MAPDA: variants seen among roughly 807,000 people sequenced by gnomAD.
The protein encoded by MAPDA is N6-Methyl-AMP deaminase, also known as N6,N6-dimethyl-AMP deaminase.
At chr15:43,330,658 G>A in the MAPDA span, 10 of 725,774 alleles carry the variant, frequency 1.4e-5, no homozygotes, top group African/African-American at 1.7e-4. Context: ...TCGCCAACCA[G>A]AATTGAGGAG....
At chr15:43,337,978 C>T in the MAPDA span, among the ~76,000 whole-genome samples, 2 of 152,194 alleles carry the variant, frequency 1.3e-5, no homozygotes, top group African/African-American at 4.8e-5. Context: ...ATTCTCTAAG[C>T]AGCGTCTCAA....
At chr15:43,351,333 C>CAAAAA in the MAPDA span, 1 of 225,098 alleles carries the variant, frequency 4.4e-6, no homozygotes. Context: ...TCTCACAAAG[C>CAAAAA]AAAAAAAAAA....
chr15:43,343,189 A>G, the MAPDA span: 1 of 669,072 alleles, frequency 1.5e-6, no homozygotes, highest in Non-Finnish European at 2.3e-6. Context: ...TGATTTATAC[A>G]ATAGAAAAAT....
the MAPDA span, chr15:43,354,177 G>A: frequency 6.6e-6 from 1 of 152,182 alleles, no homozygotes; most frequent in Non-Finnish European, 1.5e-5. Context: ...CACACATTTG[G>A]TCAGAGAAGT....
the MAPDA span, among the ~76,000 whole-genome samples, chr15:43,348,709 T>C: frequency 5.3e-5 from 8 of 152,284 alleles, no homozygotes; most frequent in Admixed American, 5.2e-4. Flanking sequence ...ATTATTATCA[T>C]TGAAATGAAT....
the MAPDA span, among the ~76,000 whole-genome samples, chr15:43,346,213 G>C: frequency 6.6e-6 from 1 of 152,100 alleles, no homozygotes; most frequent in African/African-American, 2.4e-5. Flanking sequence ...CTGACTATAT[G>C]ACTATTTTCT....
the MAPDA span, chr15:43,351,025 A>G: frequency 1.3e-6 from 2 of 1,551,564 alleles, no homozygotes; most frequent in South Asian, 2.4e-5. Context: ...AGCATTGCCC[A>G]TCCTTCTGTG....
the MAPDA span, among the ~76,000 whole-genome samples, chr15:43,338,374 G>GA: frequency 1.3e-5 from 2 of 152,160 alleles, no homozygotes; most frequent in Admixed American, 6.5e-5. Flanking sequence ...GAGTGTGGCT[G>GA]AAAAAATGAT....
At chr15:43,333,745 G>T in the MAPDA span, among the ~76,000 whole-genome samples, 1 of 152,186 alleles carries the variant, frequency 6.6e-6, no homozygotes, top group South Asian at 2.1e-4. Context: ...AAGGATTAAA[G>T]ATAACATTAT....
At chr15:43,335,627 A>T in the MAPDA span, 1 of 1,488,668 alleles carries the variant, frequency 6.7e-7, no homozygotes, top group African/African-American at 1.4e-5. Context: ...AACTACCAAC[A>T]TTAAGTACTT....
At chr15:43,333,938 T>C in the MAPDA span, among the ~76,000 whole-genome samples, 1 of 152,248 alleles carries the variant, frequency 6.6e-6, no homozygotes, top group Non-Finnish European at 1.5e-5. Flanking sequence ...GAAATTATGA[T>C]TGATTTATCA....
At chr15:43,345,757 A>C in the MAPDA span, 1 of 1,439,694 alleles carries the variant, frequency 6.9e-7, no homozygotes, top group Non-Finnish European at 9.7e-7. Context: ...AGTGAGATGT[A>C]TTACACGTAG....
the MAPDA span, chr15:43,330,392 A>G: frequency 8.8e-6 from 14 of 1,585,200 alleles, no homozygotes; most frequent in Non-Finnish European, 1.2e-5. Flanking sequence ...GGGGTCCTGC[A>G]CGTACCCGCG....
At chr15:43,330,621 G>C in the MAPDA span, 16 of 1,080,444 alleles carry the variant, frequency 1.5e-5, no homozygotes, top group Non-Finnish European at 2.0e-5. Context: ...GCCGGCACTT[G>C]TGCGTCACTT....
the MAPDA span, chr15:43,350,878 T>C: frequency 7.4e-7 from 1 of 1,349,090 alleles, no homozygotes; most frequent in Non-Finnish European, 1.0e-6. Context: ...GTCTACTTGG[T>C]GAACACTGAA....
At chr15:43,352,076 T>C in the MAPDA span, 1 of 850,748 alleles carries the variant, frequency 1.2e-6, no homozygotes, top group Non-Finnish European at 1.8e-6. Context: ...ACCAGCACCT[T>C]ACACATGGCA....
chr15:43,346,087 A>T, the MAPDA span: 1 of 1,450,740 alleles, frequency 6.9e-7, no homozygotes, highest in Non-Finnish European at 9.4e-7. Flanking sequence ...TCCAACAGAC[A>T]CTCCATTCTG....
the MAPDA span, among the ~76,000 whole-genome samples, chr15:43,334,390 G>A: frequency 6.6e-6 from 1 of 151,652 alleles, no homozygotes; most frequent in Non-Finnish European, 1.5e-5. Context: ...CACTTTGGGA[G>A]GCTGAGGCGG....
chr15:43,342,610 C>T, the MAPDA span, among the ~76,000 whole-genome samples: 40,615 of 151,750 alleles, frequency 0.27, 8,776 homozygotes, highest in African/African-American at 0.59. Context: ...ACTAGCTGGG[C>T]GTGGTGGTAC....
Sources: gnomAD v4.1 joint callset for allele counts (sites outside exome capture counted in the v4.1 genomes callset) on GRCh38, gnomAD v4.1.1 for gene constraint, MANE v1.5 for transcripts, NCBI Gene and HGNC (gene_info 2026-07-23, HGNC 2026-07-21) for gene names.